MAP3K20: variants seen among roughly 807,000 people sequenced by gnomAD.
MAP3K20 encodes HCCS-4.
In MAP3K20, 40 loss-of-function variants were observed where a neutral mutation model predicts 85.7. The observed-to-expected ratio is 0.47, with a 90% CI of 0.36 to 0.61. The LOEUF (loss-of-function observed/expected upper bound fraction) is 0.61, where lower values mean the gene tolerates loss of function less well. Among genes scored for constraint, MAP3K20 ranks in the 20% least tolerant of loss-of-function variants. The pLI is 0.00. For synonymous variants in MAP3K20, 325 were observed against 327.7 expected (o/e 0.99, Z 0.09); for missense variants, 817 against 961.7 (o/e 0.85, Z 1.99).
intron 2 of MAP3K20, among the ~76,000 whole-genome samples, chr2:173,113,063 T>C (rs961937305): frequency 1.2e-4 from 18 of 152,144 alleles, no homozygotes; most frequent in Non-Finnish European, 1.9e-4. Context: ...TTTTTGTTGA[T>C]GATTTTTAAA....
At chr2:173,189,672 G>T (rs1690592026) in intron 5 of MAP3K20, among the ~76,000 whole-genome samples, 1 of 152,010 alleles carries the variant, frequency 6.6e-6, no homozygotes. Flanking sequence ...TTACTGAGTG[G>T]CAATACTGTT....
At chr2:173,247,455 A>C (rs985545388) in intron 16 of MAP3K20, among the ~76,000 whole-genome samples, 2 of 152,212 alleles carry the variant, frequency 1.3e-5, no homozygotes, top group African/African-American at 4.8e-5. Flanking sequence ...AAATTTCAGA[A>C]GAGCAGAAAG....
At chr2:173,087,267 G>A (rs1420444815) in intron 1 of MAP3K20, among the ~76,000 whole-genome samples, 1 of 152,214 alleles carries the variant, frequency 6.6e-6, no homozygotes, top group African/African-American at 2.4e-5. Flanking sequence ...GGAGAATTCA[G>A]CTGTGCTCAG....
At chr2:173,128,925 T>C (rs1017977584) in intron 2 of MAP3K20, among the ~76,000 whole-genome samples, 2 of 146,744 alleles carry the variant, frequency 1.4e-5, no homozygotes, top group Non-Finnish European at 3.0e-5. Context: ...TCTTTTCTTT[T>C]TTTTTTTTTT....
intron 4 of MAP3K20, among the ~76,000 whole-genome samples, chr2:173,185,002 G>GAAGCC (rs1368990370): frequency 6.6e-6 from 1 of 152,072 alleles, no homozygotes; most frequent in Non-Finnish European, 1.5e-5. Context: ...AGCACTTTGG[G>GAAGCC]AAGCCGAGGA....
chr2:173,215,231 T>C (rs1482032639), intron 10 of MAP3K20, among the ~76,000 whole-genome samples: 1 of 152,144 alleles, frequency 6.6e-6, no homozygotes, highest in African/African-American at 2.4e-5. Context: ...AAGCGCTGTG[T>C]AGATGCTGTC....
chr2:173,093,524 T>C (rs1049527221), intron 2 of MAP3K20, among the ~76,000 whole-genome samples: 2 of 152,218 alleles, frequency 1.3e-5, no homozygotes, highest in African/African-American at 4.8e-5. Flanking sequence ...GTAGTGAGTA[T>C]GTACTACTTT....
At chr2:173,101,844 G>A (rs1203448522) in intron 2 of MAP3K20, among the ~76,000 whole-genome samples, 1 of 152,164 alleles carries the variant, frequency 6.6e-6, no homozygotes, top group East Asian at 1.9e-4. Context: ...CCCAAGAATA[G>A]AGGCCATGTT....
intron 2 of MAP3K20, among the ~76,000 whole-genome samples, chr2:173,144,868 C>T (rs1689092289): frequency 6.6e-6 from 1 of 152,134 alleles, no homozygotes; most frequent in Admixed American, 6.5e-5. Context: ...GTAATTAAAA[C>T]AGTATAGTAT....
chr2:173,199,357 G>C (rs1189333456), intron 8 of MAP3K20, among the ~76,000 whole-genome samples: 1 of 152,190 alleles, frequency 6.6e-6, no homozygotes, highest in African/African-American at 2.4e-5. Flanking sequence ...ATGAAAAGGA[G>C]TTATATGCAA....
At chr2:173,081,635 A>G (rs2106135589) in intron 1 of MAP3K20, among the ~76,000 whole-genome samples, 1 of 152,284 alleles carries the variant, frequency 6.6e-6, no homozygotes, top group East Asian at 1.9e-4. Context: ...AAGGAAGAGG[A>G]AAGTTTTAGG....
chr2:173,169,668 C>A lies in MAP3K20; in HGVS notation c.160-137C>A, dbSNP rs868104001. ...CCAGGAGGCCAAGGCTGCAGTGAGCCAAGATCACACCACTGTACTCTAGCC... is the reference window on the plus strand; with the variant it reads ...CCAGGAGGCCAAGGCTGCAGTGAGCAAAGATCACACCACTGTACTCTAGCC... On this transcript the variant is annotated intron_variant, in intron 2 of 19. Transcript: ENST00000375213. The A allele has an allele frequency of 1.3e-5, 10 of 782,340 alleles. No individual in the cohort carries two copies. The Middle Eastern group carries it at 2.6e-3, about 206-fold the overall frequency. 48.5% of individuals were successfully genotyped at this position (782,340 alleles called of 1,614,324 possible). A position where few individuals can be genotyped will look rare whatever the true frequency, so the allele number is the denominator to read the frequency against.
In MAP3K20 at chr2:173,185,707, C is replaced by G. The variant is rs569806578; in HGVS notation, c.350-1851C>G. ...AGCATCATTGCTGTTGAGACAATAT[C>G]TTCTCACAAAAAAGATTCTCTTCTT... On this transcript the variant is annotated intron_variant, in intron 4 of 19. Coordinates refer to ENST00000375213, the MANE Select transcript of MAP3K20 (RefSeq NM_016653.3). Among the ~76,000 whole-genome samples the G allele has an allele frequency of 1.5e-3, 229 of 152,284 alleles. 2 individuals are homozygous for G. The highest frequency in any genetic ancestry group is 2.0e-3 in the Non-Finnish European group (135 of 68,008).
At chr2:173,209,278 G>A (rs115255636) in intron 9 of MAP3K20, among the ~76,000 whole-genome samples, 44 of 152,094 alleles carry the variant, frequency 2.9e-4, no homozygotes, top group Non-Finnish European at 4.9e-4. Context: ...TCCCCCCAAC[G>A]CTTTATCATA....
At chr2:173,226,533 C>G (rs1327101837) in intron 11 of MAP3K20, 3 of 985,700 alleles carry the variant, frequency 3.0e-6, no homozygotes, top group Non-Finnish European at 3.6e-6. Context: ...CATAGCCTGA[C>G]AGCTCTAGAT....
chr2:173,082,596 G>A lies in MAP3K20; in HGVS notation c.-35+6594G>A, dbSNP rs114059736. On this transcript the variant is annotated intron_variant, in intron 1 of 19. Coordinates refer to ENST00000375213, the MANE Select transcript of MAP3K20 (RefSeq NM_016653.3). ...GGGGGCAGGATAGGTGGGAGGTAGC[G>A]AACTGAAGTGAGCCTTGTTTACTCA... Among the ~76,000 whole-genome samples the A allele has an allele frequency of 9.0e-3, 1,371 of 152,256 alleles. 18 individuals carry two copies. The highest frequency in any genetic ancestry group is 0.031 in the African/African-American group (1,275 of 41,538).
intron 2 of MAP3K20, among the ~76,000 whole-genome samples, chr2:173,106,759 A>T (rs1687793100): frequency 1.3e-5 from 2 of 152,294 alleles, no homozygotes; most frequent in Non-Finnish European, 1.5e-5. Flanking sequence ...TGTGACACTC[A>T]TAAGGTATAG....
chr2:173,184,902 G>GA (rs34825874), intron 4 of MAP3K20, among the ~76,000 whole-genome samples: 1 of 143,768 alleles, frequency 7.0e-6, no homozygotes, highest in African/African-American at 2.6e-5. Flanking sequence ...ACTCAGTCTA[G>GA]AAAAAAAAAA....
chr2:173,083,428 AC>A (rs1286035962), intron 1 of MAP3K20, among the ~76,000 whole-genome samples: 1 of 151,882 alleles, frequency 6.6e-6, no homozygotes, highest in Non-Finnish European at 1.5e-5. Flanking sequence ...ATCATAGCTC[AC>A]TGCAGCCTCG....
Sources: gnomAD v4.1 joint callset for allele counts (sites outside exome capture counted in the v4.1 genomes callset) on GRCh38, gnomAD v4.1.1 for gene constraint, MANE v1.5 for transcripts, NCBI Gene and HGNC (gene_info 2026-07-23, HGNC 2026-07-21) for gene names.